MAGEC3: variants seen among roughly 807,000 people sequenced by gnomAD.
The protein encoded by MAGEC3 is MAGE family member C3.
In MAGEC3, 34 loss-of-function variants were observed where a neutral mutation model predicts 35.3. That is an observed-to-expected ratio of 0.96 (90% CI 0.73 to 1.28). The LOEUF (loss-of-function observed/expected upper bound fraction) is 1.28, where lower values mean the gene tolerates loss of function less well. Among genes scored for constraint, MAGEC3 ranks in the 50% most tolerant of loss-of-function variants. The pLI, the probability that MAGEC3 is intolerant of heterozygous loss-of-function variation, is 0.00. For missense variants in MAGEC3, 561 were observed against 483.6 expected (o/e 1.16, Z -1.50); for synonymous variants, 202 against 185.6 (o/e 1.09, Z -0.72).
intron 4 of MAGEC3, among the ~76,000 whole-genome samples, chrX:141,891,718 T>C (rs1231302979): frequency 9.6e-6 from 1 of 104,638 alleles, no homozygotes; most frequent in African/African-American, 3.4e-5. Flanking sequence ...TATATAAATA[T>C]ATATATTTAT....
At chrX:141,838,888 G>C in intron 1 of MAGEC3, 2 of 744,589 alleles carry the variant, frequency 2.7e-6, no homozygotes, top group Non-Finnish European at 3.2e-6. Context: ...CTGGGCTCCA[G>C]GACAGTGCTC....
At chrX:141,852,947 G>C (rs748430031) in intron 1 of MAGEC3, among the ~76,000 whole-genome samples, 23 of 111,260 alleles carry the variant, frequency 2.1e-4, no homozygotes, top group Non-Finnish European at 4.0e-4. Context: ...CACTTCATCT[G>C]TTTCTACTTT....
chrX:141,864,966 T>C, intron 1 of MAGEC3, among the ~76,000 whole-genome samples: 1 of 111,964 alleles, frequency 8.9e-6, no homozygotes, highest in East Asian at 2.8e-4. Flanking sequence ...TTAATTTGTT[T>C]TTCTGTAAAA....
At chrX:141,844,006 T>C (rs1210582157) in intron 1 of MAGEC3, among the ~76,000 whole-genome samples, 1 of 110,634 alleles carries the variant, frequency 9.0e-6, no homozygotes, top group Non-Finnish European at 1.9e-5. Flanking sequence ...TTAATATCCC[T>C]CAACAATATA....
intron 4 of MAGEC3, among the ~76,000 whole-genome samples, chrX:141,888,396 T>G (rs780569276): frequency 8.9e-6 from 1 of 112,393 alleles, no homozygotes; most frequent in African/African-American, 3.2e-5. Context: ...TGCGATGATA[T>G]ACTTATGCAT....
At chrX:141,856,802 C>T (rs750773573) in intron 1 of MAGEC3, among the ~76,000 whole-genome samples, 44 of 111,992 alleles carry the variant, frequency 3.9e-4, no homozygotes, top group Non-Finnish European at 7.2e-4. Context: ...ATAAATCAGA[C>T]ACAGAAAGAT....
intron 3 of MAGEC3, 113 bp downstream of exon 3, chrX:141,879,544 G>A: frequency 2.1e-6 from 2 of 938,231 alleles, no homozygotes; most frequent in Non-Finnish European, 2.9e-6. Flanking sequence ...AGGAAGGGGT[G>A]GAGGGGGCCC....
chrX:141,895,863 G>A (rs889439742), intron 6 of MAGEC3, among the ~76,000 whole-genome samples: 3 of 110,829 alleles, frequency 2.7e-5, no homozygotes, highest in Admixed American at 1.9e-4. Context: ...GAGTGAGGAC[G>A]GAGAGGTCCC....
intron 1 of MAGEC3, chrX:141,839,885 C>T (rs2017676134): frequency 2.1e-6 from 1 of 477,239 alleles, no homozygotes; most frequent in African/African-American, 2.6e-5. Flanking sequence ...GACAGAGATG[C>T]TTCTAAGCGT....
Position 141,897,076 on chromosome X carries a change from G to A in MAGEC3, c.1318G>A (p.Ala440Thr), listed in dbSNP as rs1187885717. Residue 440 changes from alanine to threonine, a missense_variant, in exon 7 of 8, where the codon GCT (alanine) becomes ACT (threonine). By Grantham distance (58) the Ala-to-Thr change is moderately conservative. Transcript: ENST00000298296. Reference protein sequence around the residue: ...EESSSEEEDTATWHALPESES... With the variant: ...EESSSEEEDTTTWHALPESES... ...GTCCAGCAGTGAAGAGGAGGATACAGCTACTTGGCATGCCTTGCCAGAAAG... is the reference window on the plus strand; with the variant it reads ...GTCCAGCAGTGAAGAGGAGGATACAACTACTTGGCATGCCTTGCCAGAAAG... 3 of 1,211,712 alleles carry A rather than the reference G, an allele frequency of 2.5e-6. No individual in the cohort carries two copies. Among genetic ancestry groups the A allele is most frequent in the Non-Finnish European group, 3.4e-6 (3 of 895,474 alleles).
intron 6 of MAGEC3, chrX:141,896,605 C>A (rs375064501): frequency 8.4e-7 from 1 of 1,193,625 alleles, no homozygotes; most frequent in Non-Finnish European, 1.1e-6. Context: ...TCCCATCATC[C>A]CCATCCCTGC....
intron 1 of MAGEC3, among the ~76,000 whole-genome samples, chrX:141,860,287 C>G (rs150491325): frequency 8.9e-6 from 1 of 111,739 alleles, no homozygotes; most frequent in Non-Finnish European, 1.9e-5. Context: ...CAGTTCAAAA[C>G]AAGTATAGTT....
intron 2 of MAGEC3, among the ~76,000 whole-genome samples, chrX:141,870,959 A>G (rs886732465): frequency 8.9e-6 from 1 of 112,453 alleles, no homozygotes; most frequent in African/African-American, 3.2e-5. Flanking sequence ...CCTTGAAGAC[A>G]TTAGTATTTT....
intron 1 of MAGEC3, among the ~76,000 whole-genome samples, chrX:141,840,151 T>A (rs950604270): frequency 9.0e-6 from 1 of 111,414 alleles, no homozygotes; most frequent in Non-Finnish European, 1.9e-5. Flanking sequence ...GGAGGTGAAG[T>A]CAGCCAAAAC....
At chrX:141,855,287 G>T (rs1456512588) in intron 1 of MAGEC3, among the ~76,000 whole-genome samples, 2 of 110,307 alleles carry the variant, frequency 1.8e-5, no homozygotes, top group African/African-American at 6.6e-5. Flanking sequence ...CATTCAATTA[G>T]AAATTATATC....
chrX:141,863,890 G>A (rs1036536740), intron 1 of MAGEC3, among the ~76,000 whole-genome samples: 6 of 111,262 alleles, frequency 5.4e-5, no homozygotes, highest in Admixed American at 9.6e-5. Flanking sequence ...TATAGCACTC[G>A]TTCGATGAAA....
At chrX:141,874,053 A>G (rs1392234837) in intron 2 of MAGEC3, among the ~76,000 whole-genome samples, 1 of 112,153 alleles carries the variant, frequency 8.9e-6, no homozygotes. Context: ...CATCCCAGAA[A>G]TAGACCTACA....
chrX:141,874,710 G>T (rs777004623), intron 2 of MAGEC3, among the ~76,000 whole-genome samples: 1 of 110,229 alleles, frequency 9.1e-6, no homozygotes, highest in Admixed American at 9.7e-5. Context: ...TCAACAGGAG[G>T]CTGAAGAACA....
At chrX:141,845,232 A>C (rs5908058) in intron 1 of MAGEC3, among the ~76,000 whole-genome samples, 13,266 of 110,650 alleles carry the variant, frequency 0.12, 661 homozygotes, top group Middle Eastern at 0.19. Context: ...ATTAAAAGAG[A>C]GGTAAAATGC....
Sources: gnomAD v4.1 joint callset for allele counts (sites outside exome capture counted in the v4.1 genomes callset) on GRCh38, gnomAD v4.1.1 for gene constraint, MANE v1.5 for transcripts, NCBI Gene and HGNC (gene_info 2026-07-23, HGNC 2026-07-21) for gene names.